EPB41L4A: variants seen among roughly 807,000 people sequenced by gnomAD.
EPB41L4A encodes the protein erythrocyte membrane protein band 4.1 like 4A, also known as band 4.1-like protein 4A.
Under a neutral mutation model 108.6 loss-of-function variants are expected in EPB41L4A, and 100 were observed. That is an observed-to-expected ratio of 0.92 (90% CI 0.78 to 1.09). EPB41L4A has a LOEUF of 1.09. EPB41L4A is among the 50% of genes least tolerant of loss of function. The pLI is 0.00. For synonymous variants in EPB41L4A, 319 were observed against 289.0 expected (o/e 1.10, Z -1.05); for missense variants, 1,030 against 842.7 (o/e 1.22, Z -2.75).
intron 3 of EPB41L4A, among the ~76,000 whole-genome samples, chr5:112,276,408 T>C (rs1161354195): frequency 1.3e-5 from 2 of 152,212 alleles, no homozygotes; most frequent in African/African-American, 2.4e-5. Flanking sequence ...ACTAGAAATA[T>C]TTTTATTTCT....
intron 6 of EPB41L4A, chr5:112,263,396 T>C (rs1408688723): frequency 6.6e-6 from 1 of 152,210 alleles, no homozygotes; most frequent in East Asian, 1.9e-4. Context: ...TTGAAATCCA[T>C]GAAGAATGTT....
intron 11 of EPB41L4A, among the ~76,000 whole-genome samples, chr5:112,235,801 G>A (rs2150369520): frequency 6.6e-6 from 1 of 152,248 alleles, no homozygotes; most frequent in South Asian, 2.1e-4. Context: ...CAGCTACCAG[G>A]GGAATAAAGA....
intron 1 of EPB41L4A, among the ~76,000 whole-genome samples, chr5:112,316,874 G>A (rs1755460394): frequency 6.6e-6 from 1 of 152,182 alleles, no homozygotes; most frequent in Non-Finnish European, 1.5e-5. Flanking sequence ...TGAGATGGCT[G>A]GAATGGCTGG....
intron 1 of EPB41L4A, among the ~76,000 whole-genome samples, chr5:112,314,201 C>T (rs1755256779): frequency 6.6e-6 from 1 of 151,858 alleles, no homozygotes. Flanking sequence ...GCCTTTTGAA[C>T]AGGTAGACCA....
chr5:112,284,494 T>C lies in EPB41L4A; in HGVS notation c.205-4171A>G, dbSNP rs1478038687. Among the ~76,000 whole-genome samples the C allele has an allele frequency of 2.0e-5, 3 of 152,094 alleles. No homozygotes were observed. The East Asian group carries it at 5.8e-4, about 29-fold the overall frequency. On this transcript the variant is annotated intron_variant, in intron 2 of 22. Transcript: ENST00000261486. ...TCCCTCTCAACATTCAAGCTGTCCA[T>C]TCTCTAGGATAATCACTCAAACACT... is the stretch of plus-strand genomic sequence containing the variant.
chr5:112,250,230 A>C (rs1226384693), intron 9 of EPB41L4A, among the ~76,000 whole-genome samples: 1 of 152,210 alleles, frequency 6.6e-6, no homozygotes, highest in Non-Finnish European at 1.5e-5. Flanking sequence ...TAAATGTGAA[A>C]ACCATCTTAC....
intron 13 of EPB41L4A, among the ~76,000 whole-genome samples, chr5:112,207,754 TAA>T (rs1192456883): frequency 1.3e-5 from 2 of 151,988 alleles, no homozygotes; most frequent in Non-Finnish European, 2.9e-5. Flanking sequence ...TACCTATTAT[TAA>T]AAAGACAAAA....
intron 17 of EPB41L4A, among the ~76,000 whole-genome samples, chr5:112,184,647 T>C (rs989859493): frequency 1.3e-5 from 2 of 152,204 alleles, no homozygotes; most frequent in Non-Finnish European, 2.9e-5. Flanking sequence ...TTAAATATGG[T>C]GGCATAATGC....
At chr5:112,239,520 A>C (rs1352681971) in intron 11 of EPB41L4A, 140 bp downstream of exon 11, 7 of 464,564 alleles carry the variant, frequency 1.5e-5, no homozygotes, top group Non-Finnish European at 2.6e-5. Flanking sequence ...AAGTTTTAAT[A>C]AACTGTTATG....
At chr5:112,368,551 C>CCT (rs1285729075) in intron 1 of EPB41L4A, among the ~76,000 whole-genome samples, 2 of 152,160 alleles carry the variant, frequency 1.3e-5, no homozygotes, top group Non-Finnish European at 2.9e-5. Flanking sequence ...GGTGTTCCAG[C>CCT]CTCTCTGCAT....
At chr5:112,270,957 G>C (rs1480356999) in intron 4 of EPB41L4A, among the ~76,000 whole-genome samples, 2 of 152,200 alleles carry the variant, frequency 1.3e-5, no homozygotes, top group Non-Finnish European at 2.9e-5. Flanking sequence ...TGTAGAAAGA[G>C]TTTTAAGATC....
At chr5:112,214,307 T>C (rs916026165) in intron 12 of EPB41L4A, among the ~76,000 whole-genome samples, 1 of 152,210 alleles carries the variant, frequency 6.6e-6, no homozygotes, top group African/African-American at 2.4e-5. Context: ...AACAAGGGAA[T>C]TTCAGGCACT....
In EPB41L4A at chr5:112,195,707, T is replaced by C; in HGVS notation, c.1378A>G (p.Lys460Glu). 1 of 1,612,596 alleles carries C rather than the reference T, an allele frequency of 6.2e-7. No individual in the cohort carries two copies. The highest frequency in any genetic ancestry group is 8.5e-7 in the Non-Finnish European group (1 of 1,179,600). The stretch of plus-strand genomic sequence containing the variant: ...GAATCTTCACCACTGTTATGGGCTT[T>C]CCTGTGAAAACAAATGAAGACATTT... ...NDSVQPVRRR[K>E]AHNSGEDSDL... is the part of the protein sequence containing the mutation. Residue 460 changes from lysine to glutamate, a missense_variant and splice_region_variant, in exon 16 of 23, where the codon AAA becomes GAA. Physicochemically the swap from Lys to Glu is moderately conservative, Grantham distance 56 (BLOSUM62 1). Transcript: ENST00000261486.
At chr5:112,296,786 A>C (rs1362046084) in intron 2 of EPB41L4A, among the ~76,000 whole-genome samples, 1 of 151,934 alleles carries the variant, frequency 6.6e-6, no homozygotes, top group East Asian at 1.9e-4. Context: ...GAGTCTCCAA[A>C]GTCCATTGTA....
chr5:112,290,277 G>T (rs1753562150), intron 2 of EPB41L4A, among the ~76,000 whole-genome samples: 1 of 152,136 alleles, frequency 6.6e-6, no homozygotes, highest in Non-Finnish European at 1.5e-5. Flanking sequence ...AAAATACACT[G>T]GATTCTAGGG....
rs76905589 is a variant in EPB41L4A at position 112,240,196 on chromosome 5, G to A, written c.888-459C>T. On this transcript the variant is annotated intron_variant, in intron 10 of 22. Transcript: ENST00000261486. ...CTGGCTCATCCTGCCCTCTAATGTC[G>A]GGAGGGCCACCAAGCTCAGTCCTTG... is the stretch of plus-strand genomic sequence containing the variant. 7.0e-3 allele frequency among the ~76,000 whole-genome samples: 1,062 copies of A among 152,102 alleles called. 13 individuals are homozygous for A. Among genetic ancestry groups the A allele is most frequent in the African/African-American group, 0.024 (999 of 41,478 alleles).
Position 112,165,065 on chromosome 5 carries a change from T to G in EPB41L4A, c.1986A>C (p.Thr662=). The G allele has an allele frequency of 6.2e-7, 1 of 1,613,870 alleles. No homozygotes were observed. Among genetic ancestry groups the G allele is most frequent in the Non-Finnish European group, 8.5e-7 (1 of 1,179,822 alleles). Reference sequence around the variant, plus strand: ...CTGTGTGTTTTCCAGCCAGGTTGTTTGTAGATGTCTGAGGTTTTTCTTCCA... The same window carrying G: ...CTGTGTGTTTTCCAGCCAGGTTGTTGGTAGATGTCTGAGGTTTTTCTTCCA... ...SLMEEKPQTS[T]NNLAGKHTAK... Residue 662 remains threonine, a synonymous_variant, in exon 23 of 23, where the codon ACA becomes ACC. Coordinates refer to ENST00000261486, the MANE Select transcript of EPB41L4A (RefSeq NM_022140.5).
chr5:112,255,887 C>G (rs1293800247), intron 9 of EPB41L4A, among the ~76,000 whole-genome samples: 1 of 152,138 alleles, frequency 6.6e-6, no homozygotes, highest in Non-Finnish European at 1.5e-5. Flanking sequence ...TCTTCCTCCT[C>G]AAGTCTGCTC....
chr5:112,240,870 C>T (rs1749736830), intron 9 of EPB41L4A, 60 bp from the exon 10 acceptor site: 1 of 979,850 alleles, frequency 1.0e-6, no homozygotes, highest in Admixed American at 2.6e-5. Context: ...TAGCATTCTT[C>T]AAATAACAGC....
Sources: gnomAD v4.1 joint callset for allele counts (sites outside exome capture counted in the v4.1 genomes callset) on GRCh38, gnomAD v4.1.1 for gene constraint, MANE v1.5 for transcripts, NCBI Gene and HGNC (gene_info 2026-07-23, HGNC 2026-07-21) for gene names.